ADNP2: variants seen among roughly 807,000 people sequenced by gnomAD.
ADNP2 encodes the protein activity-dependent neuroprotector homeobox protein 2.
A neutral mutation model predicts 16.4 loss-of-function variants in ADNP2; 8 were observed. The ratio of observed to expected loss-of-function variants is 0.49; its 90% confidence interval spans 0.29 to 0.88. The LOEUF (loss-of-function observed/expected upper bound fraction) is 0.88, where lower values mean the gene tolerates loss of function less well. Among genes scored for constraint, ADNP2 ranks in the 40% least tolerant of loss-of-function variants. The probability of loss-of-function intolerance (pLI) is 0.09; values close to 1 mark genes in which losing one functional copy is unlikely to be tolerated. For missense variants in ADNP2, 1,397 were observed against 1,395.1 expected, an observed-to-expected ratio of 1.00 and a Z score of -0.02; for synonymous variants, 637 against 545.8, an observed-to-expected ratio of 1.17 and a Z score of -2.33.
Position 80,136,418 on chromosome 18 carries a change from C to T in ADNP2, c.1005C>T (p.Ser335=), listed in dbSNP as rs369897049. 1.7e-5 allele frequency: 28 copies of T among 1,614,210 alleles called. No individual in the cohort carries two copies. Among genetic ancestry groups the T allele is most frequent in the African/African-American group, 1.6e-4 (12 of 75,076 alleles). The change falls in exon 4 of 4, where the codon TCC becomes TCT. Residue 335 remains serine (S), a synonymous_variant. Coordinates refer to ENST00000262198, the MANE Select transcript of ADNP2 (RefSeq NM_014913.4). Reference sequence around the variant, plus strand: ...GCCAATCCCACATGACTCTGGTCTCCAGCCCTCTGCCTGTGGGCCAGAACA... The same window carrying T: ...GCCAATCCCACATGACTCTGGTCTCTAGCCCTCTGCCTGTGGGCCAGAACA... ...AAGQSHMTLV[S]SPLPVGQNSL...
chr18:80,129,922 T>C (rs1254571709), intron 2 of ADNP2, among the ~76,000 whole-genome samples: 4 of 152,242 alleles, frequency 2.6e-5, no homozygotes, highest in African/African-American at 9.6e-5. Context: ...CTTGTTTTAC[T>C]CAGCAGTTGG....
In ADNP2 at chr18:80,137,388, A is replaced by T. The variant is rs749953098; in HGVS notation, c.1975A>T (p.Met659Leu). Residue 659 changes from methionine to leucine, a missense_variant, in exon 4 of 4, where the codon ATG becomes TTG. By Grantham distance (15) the Met-to-Leu change is conservative. Coordinates refer to ENST00000262198, the MANE Select transcript of ADNP2 (RefSeq NM_014913.4). The surrounding 1 kb of genome is among the most constrained non-coding windows in gnomAD (Gnocchi z 4.2). Reference protein sequence around the residue: ...AAPMAGSMPGMPSPPVLVNAA... With the variant: ...AAPMAGSMPGLPSPPVLVNAA... ...ACCAATGGCCGGTTCCATGCCCGGC[A>T]TGCCCTCTCCTCCAGTGCTGGTGAA... The T allele has an allele frequency of 1.2e-6, 2 of 1,614,050 alleles. No homozygotes were observed. Among genetic ancestry groups the T allele is most frequent in the African/African-American group, 2.7e-5 (2 of 74,934 alleles).
rs1306668330 is a variant in ADNP2, at chr18:80,137,347, C to T, written c.1934C>T (p.Pro645Leu). ...CCCCAGATGCCCATCCAGCTCCTGCCGTCAGGTGCAGCTGCACCAATGGCC... is the reference window on the plus strand; with the variant it reads ...CCCCAGATGCCCATCCAGCTCCTGCTGTCAGGTGCAGCTGCACCAATGGCC... ...APPQMPIQLLPSGAAAPMAGS... is the reference protein window; with the variant it reads ...APPQMPIQLLLSGAAAPMAGS... The change falls in exon 4 of 4, where the codon CCG (proline) becomes CTG (leucine). Residue 645 changes from proline to leucine, a missense_variant. Physicochemically the swap from Pro to Leu is moderately conservative, Grantham distance 98. This residue lies in a region of ADNP2 where 611 missense variants were observed against 648.7 expected (regional missense o/e 0.94). Coordinates refer to ENST00000262198, the MANE Select transcript of ADNP2 (RefSeq NM_014913.4). The surrounding 1 kb of genome is among the most constrained non-coding windows in gnomAD (Gnocchi z 4.2). 7.4e-6 allele frequency: 12 copies of T among 1,614,154 alleles called. No homozygotes were observed. Among genetic ancestry groups the T allele is most frequent in the East Asian group, 2.2e-5 (1 of 44,880 alleles).
At chr18:80,110,724 T>C (rs1016879599) in intron 1 of ADNP2, among the ~76,000 whole-genome samples, 15 of 152,280 alleles carry the variant, frequency 9.9e-5, no homozygotes, top group African/African-American at 3.6e-4. Context: ...TTCGGTTAAA[T>C]TTCGGTTGGA....
In ADNP2 at chr18:80,136,476, G is replaced by A. The variant is rs762460785; in HGVS notation, c.1063G>A (p.Val355Ile). ...CCTGCAGCCCCCAGCACCTCAGCCC[G>A]TCTTTCTTTCTCACGGGGTTCCACT... is the stretch of plus-strand genomic sequence containing the variant. Reference protein sequence around the residue: ...LTLQPPAPQPVFLSHGVPLHQ... With the variant: ...LTLQPPAPQPIFLSHGVPLHQ... The change falls in exon 4 of 4, where the codon GTC (valine) becomes ATC (isoleucine). Residue 355 changes from valine (V) to isoleucine (I), a missense_variant. Physicochemically the swap from Val to Ile is conservative, Grantham distance 29. This residue lies in a region of ADNP2 where 777 missense variants were observed against 719.4 expected (regional missense o/e 1.08). Coordinates refer to ENST00000262198, the MANE Select transcript of ADNP2 (RefSeq NM_014913.4). 22 of 1,614,068 alleles carry A rather than the reference G, an allele frequency of 1.4e-5. No individual in the cohort carries two copies. The highest frequency in any genetic ancestry group is 4.4e-5 in the South Asian group (4 of 91,086).
Position 80,136,199 on chromosome 18 carries a change from G to A in ADNP2, c.786G>A (p.Lys262=). ...SEHIKRTGLL[K]QTHIAPKPAA... is the part of the protein sequence containing the mutation. The stretch of plus-strand genomic sequence containing the variant: ...ATATTAAGAGGACTGGACTCTTGAA[G>A]CAAACGCACATTGCTCCAAAACCAG... The change falls in exon 4 of 4, where the codon AAG becomes AAA. Residue 262 remains lysine (K), a synonymous_variant. Transcript: ENST00000262198. The A allele has an allele frequency of 6.2e-7, 1 of 1,614,250 alleles. No homozygotes were observed. The highest frequency in any genetic ancestry group is 8.5e-7 in the Non-Finnish European group (1 of 1,180,038).
chr18:80,131,569 CT>C (rs34075834), intron 2 of ADNP2, among the ~76,000 whole-genome samples: 26,787 of 113,352 alleles, frequency 0.24, 3,176 homozygotes, highest in East Asian at 0.52. Flanking sequence ...GATGAAGATT[CT>C]TTTTTTTTTT....
At position 80,136,517 on chromosome 18, in the gene ADNP2, T is replaced by A. The variant is rs976294689; in HGVS notation, c.1104T>A (p.Asn368Lys). 9 of 1,614,186 alleles carry A rather than the reference T, an allele frequency of 5.6e-6. No individual in the cohort carries two copies. Among genetic ancestry groups the A allele is most frequent in the Non-Finnish European group, 7.6e-6 (9 of 1,180,024 alleles). Residue 368 changes from asparagine to lysine, a missense_variant, in exon 4 of 4, where the codon AAT (asparagine) becomes AAA (lysine). Physicochemically the swap from Asn to Lys is moderately conservative, Grantham distance 94 (BLOSUM62 0). Coordinates refer to ENST00000262198, the MANE Select transcript of ADNP2 (RefSeq NM_014913.4). The stretch of plus-strand genomic sequence containing the variant: ...GGGTTCCACTTCATCAGTCTGTGAA[T>A]CCTCCTGTGTTGCCCTTGAGTCAGC... ...SHGVPLHQSV[N>K]PPVLPLSQPV...
At position 80,136,073 on chromosome 18, in the gene ADNP2, C is replaced by T. The variant is rs748942426; in HGVS notation, c.660C>T (p.Cys220=). Residue 220 remains cysteine (C), a synonymous_variant, in exon 4 of 4, where the codon TGC becomes TGT. Coordinates refer to ENST00000262198, the MANE Select transcript of ADNP2 (RefSeq NM_014913.4). The stretch of plus-strand genomic sequence containing the variant: ...CTGACAAATATTACTGTAAAAAGTG[C>T]AACGCCAATGCCAGCAGCCAGGATG... ...PPPDKYYCKK[C]NANASSQDAL... is the part of the protein sequence containing the mutation. The T allele has an allele frequency of 2.5e-6, 4 of 1,614,184 alleles. No individual in the cohort carries two copies. Among genetic ancestry groups the T allele is most frequent in the South Asian group, 1.1e-5 (1 of 91,078 alleles).
chr18:80,135,258 GAAA>G (rs2052524407), intron 3 of ADNP2, among the ~76,000 whole-genome samples: 1 of 151,942 alleles, frequency 6.6e-6, no homozygotes, highest in South Asian at 2.1e-4. Context: ...AAATGTTTAA[GAAA>G]AAAATGACAA....
chr18:80,140,338 C>T lies in ADNP2; in HGVS notation c.*1529C>T, dbSNP rs1429334614. The T allele has an allele frequency of 4.0e-5, 6 of 151,856 alleles. No individual in the cohort carries two copies. Among genetic ancestry groups the T allele is most frequent in the African/African-American group, 7.3e-5 (3 of 41,144 alleles). The allele number at this position is 151,856 out of a possible 1,614,324, so 9.4% of individuals were successfully genotyped here. On this transcript the variant is annotated 3_prime_UTR_variant, in exon 4 of 4. Transcript: ENST00000262198. ...TATTTTGAATTAAAATTTGTTACACCGCTGCAAATAGAACTGTTTAATTCT... is the reference window on the plus strand; with the variant it reads ...TATTTTGAATTAAAATTTGTTACACTGCTGCAAATAGAACTGTTTAATTCT...
chr18:80,124,983 A>C (rs896104584), intron 2 of ADNP2, among the ~76,000 whole-genome samples: 19 of 152,230 alleles, frequency 1.2e-4, no homozygotes, highest in African/African-American at 4.6e-4. Context: ...CAAGGGTTTT[A>C]GGAGTTGTAT....
At chr18:80,122,469 T>C (rs1472683265) in intron 2 of ADNP2, among the ~76,000 whole-genome samples, 1 of 152,248 alleles carries the variant, frequency 6.6e-6, no homozygotes, top group Non-Finnish European at 1.5e-5. Flanking sequence ...TTCCTATTTG[T>C]GAACATACTC....
intron 2 of ADNP2, 88 bp from the exon 3 acceptor site, chr18:80,133,015 C>G (rs759806421): frequency 2.3e-5 from 22 of 964,840 alleles, no homozygotes; most frequent in Admixed American, 4.5e-5. Flanking sequence ...ACCACTATGC[C>G]CGGCCTTATA....
intron 2 of ADNP2, among the ~76,000 whole-genome samples, chr18:80,120,472 T>C (rs1240817717): frequency 6.6e-6 from 1 of 151,852 alleles, no homozygotes; most frequent in Non-Finnish European, 1.5e-5. Flanking sequence ...GCTGGCACTA[T>C]AGGTGCATAC....
At chr18:80,117,169 A>G (rs895510610) in intron 1 of ADNP2, among the ~76,000 whole-genome samples, 1 of 152,150 alleles carries the variant, frequency 6.6e-6, no homozygotes, top group African/African-American at 2.4e-5. Context: ...AAGCATAAAA[A>G]TTTTTAATTT....
rs372240702 is a variant in ADNP2 at position 80,138,146 on chromosome 18, C to T, written c.2733C>T (p.Pro911=). ...CAGTCCACACGGTCCTGAAGTCTCC[C>T]GCCTTCAAGTGCATCCACTGCTGTG... ...MPTVHTVLKS[P]AFKCIHCCGV... The change falls in exon 4 of 4, where the codon CCC becomes CCT. Residue 911 remains proline, a synonymous_variant. Coordinates refer to ENST00000262198, the MANE Select transcript of ADNP2 (RefSeq NM_014913.4). 92 of 1,613,988 alleles carry T rather than the reference C, an allele frequency of 5.7e-5. No homozygotes were observed. Among genetic ancestry groups the T allele is most frequent in the Admixed American group, 3.5e-4 (21 of 60,008 alleles).
At chr18:80,125,216 C>G (rs1015636215) in intron 2 of ADNP2, among the ~76,000 whole-genome samples, 1 of 152,142 alleles carries the variant, frequency 6.6e-6, no homozygotes, top group East Asian at 1.9e-4. Context: ...GTTGGGCTTG[C>G]TGTTATTGTA....
At chr18:80,115,869 A>T (rs2052385927) in intron 1 of ADNP2, among the ~76,000 whole-genome samples, 1 of 152,066 alleles carries the variant, frequency 6.6e-6, no homozygotes, top group African/African-American at 2.4e-5. Context: ...TCTGTCTCCC[A>T]GGGTCAAGCA....
Sources: allele counts gnomAD v4.1 joint callset (sites outside exome capture counted in the v4.1 genomes callset), GRCh38; gene constraint gnomAD v4.1.1; regional missense constraint gnomAD v4.1.1; non-coding constraint Gnocchi (gnomAD v3.1); transcripts MANE v1.5; gene names NCBI Gene and HGNC (gene_info 2026-07-23, HGNC 2026-07-21).